Variants in PHKA1 observed in about 807,000 individuals in gnomAD.
PHKA1 encodes phosphorylase b kinase regulatory subunit alpha, skeletal muscle isoform.
PHKA1 carries 60 observed loss-of-function variants against 110.2 expected under a neutral mutation model. The observed-to-expected ratio is 0.54, with a 90% CI of 0.44 to 0.68. PHKA1 has a LOEUF of 0.68. Among genes scored for constraint, PHKA1 ranks in the 30% least tolerant of loss-of-function variants. PHKA1 has a pLI of 0.00. For missense variants in PHKA1, 801 were observed against 942.5 expected (o/e 0.85, Z 1.97); for synonymous variants, 316 against 333.6 (o/e 0.95, Z 0.58).
At chrX:72,594,956 A>G (rs144692098) in intron 28 of PHKA1, among the ~76,000 whole-genome samples, 1,281 of 112,265 alleles carry the variant, frequency 0.011, 19 homozygotes, top group African/African-American at 0.04. Context: ...TATGAGGCCA[A>G]TATTACCCAG....
At chrX:72,680,792 G>A (rs1433812393) in intron 5 of PHKA1, among the ~76,000 whole-genome samples, 10 of 88,941 alleles carry the variant, frequency 1.1e-4, no homozygotes, top group African/African-American at 2.2e-4. Flanking sequence ...AGCGGGCAGC[G>A]GAGCTGTCTC....
At chrX:72,618,475 T>C (rs1303211721) in intron 21 of PHKA1, among the ~76,000 whole-genome samples, 1 of 111,847 alleles carries the variant, frequency 8.9e-6, no homozygotes, top group African/African-American at 3.2e-5. Flanking sequence ...TGCCAGGCAT[T>C]GTATTAGAGA....
rs150399070 is a variant in PHKA1, at chrX:72,600,513, T to C, written c.3072+1478A>G. Among the ~76,000 whole-genome samples, 602 of 111,937 alleles carry C rather than the reference T, an allele frequency of 5.4e-3. 2 individuals are homozygous for C. Among genetic ancestry groups the C allele is most frequent in the Admixed American group, 0.011 (118 of 10,541 alleles). ...TTCTTTCACGTTTCAAATAGGAAAA[T>C]ATTCAGATTATTCAAATTATTCGAG... On this transcript the variant is annotated intron_variant, in intron 28 of 31. Coordinates refer to ENST00000373542, the MANE Select transcript of PHKA1 (RefSeq NM_002637.4).
At chrX:72,591,757 A>G (rs1178518382) in intron 29 of PHKA1, among the ~76,000 whole-genome samples, 1 of 111,914 alleles carries the variant, frequency 8.9e-6, no homozygotes, top group Non-Finnish European at 1.9e-5. Context: ...AGCTTTCAGA[A>G]ATGCCAATTT....
At chrX:72,631,607 C>G (rs1451235784) in intron 16 of PHKA1, among the ~76,000 whole-genome samples, 1 of 104,176 alleles carries the variant, frequency 9.6e-6, no homozygotes, top group East Asian at 2.9e-4. Flanking sequence ...CCTGTTTTTC[C>G]TTTTTTTTTT....
intron 17 of PHKA1, among the ~76,000 whole-genome samples, chrX:72,625,917 T>C (rs1556282561): frequency 9.0e-6 from 1 of 111,458 alleles, no homozygotes; most frequent in Non-Finnish European, 1.9e-5. Context: ...CTGCCCCCCT[T>C]GGCCTCCCAA....
Position 72,713,692 on chromosome X carries a change from A to ACACACC in PHKA1, c.78+110_78+111insGGTGTG, listed in dbSNP as rs1159125831. On this transcript the variant is annotated intron_variant, in intron 1 of 31. Transcript: ENST00000373542. ...CCGTCACACACACACACACACACAC[A>ACACACC]CACACACACCCACACACGCACGCAC... 22 of 597,884 alleles carry ACACACC rather than the reference A, an allele frequency of 3.7e-5. No individual in the cohort carries two copies. The Admixed American group carries it at 4.5e-4, about 12-fold the overall frequency. The allele number at this position is 597,884 out of a possible 1,213,427, so 49.3% of individuals were successfully genotyped here.
intron 8 of PHKA1, among the ~76,000 whole-genome samples, chrX:72,662,544 C>T (rs1011559260): frequency 3.6e-5 from 4 of 112,369 alleles, no homozygotes; most frequent in East Asian, 2.8e-4. Flanking sequence ...CCAAGTCCCA[C>T]GCCCCCAGGC....
intron 13 of PHKA1, among the ~76,000 whole-genome samples, chrX:72,646,047 G>A (rs2053355623): frequency 8.9e-6 from 1 of 112,343 alleles, no homozygotes; most frequent in Non-Finnish European, 1.9e-5. Flanking sequence ...ATGGCTGCAT[G>A]TATAGAGGGA....
chrX:72,656,750 A>C (rs2053501497), intron 9 of PHKA1, among the ~76,000 whole-genome samples: 1 of 111,945 alleles, frequency 8.9e-6, no homozygotes, highest in African/African-American at 3.2e-5. Flanking sequence ...AAATTAAAAT[A>C]GGAAAAGAAT....
chrX:72,632,656 T>G (rs191883015), intron 16 of PHKA1, among the ~76,000 whole-genome samples: 7 of 111,869 alleles, frequency 6.3e-5, no homozygotes, highest in African/African-American at 2.3e-4. Flanking sequence ...AGAATTTAAC[T>G]AATCCACATT....
intron 5 of PHKA1, among the ~76,000 whole-genome samples, chrX:72,681,123 C>A (rs1284773918): frequency 1.3e-5 from 1 of 76,696 alleles, no homozygotes; most frequent in Non-Finnish European, 2.6e-5. Context: ...AAGTGAGGAG[C>A]GTCTCTGCCC....
intron 17 of PHKA1, 49 bp downstream of exon 17, chrX:72,626,922 C>A: frequency 1.1e-6 from 1 of 951,806 alleles, no homozygotes; most frequent in East Asian, 3.1e-5. Flanking sequence ...CTATATCCAG[C>A]CCCTTAATTT....
At position 72,653,485 on chromosome X, in the gene PHKA1, T is replaced by C; in HGVS notation, c.1087A>G (p.Lys363Glu). Residue 363 changes from lysine to glutamate, a missense_variant, in exon 11 of 32, where the codon AAA becomes GAA. Transcript: ENST00000373542. The stretch of plus-strand genomic sequence containing the variant: ...TCTGGCAGAAGTGGGACTCCATTTT[T>C]GCCCTTGATGAGGACTGCTTCAAGA... ...EALEAVLIKG[K>E]NGVPLLPELY... 1 of 1,207,678 alleles carries C rather than the reference T, an allele frequency of 8.3e-7. No individual in the cohort carries two copies. The highest frequency in any genetic ancestry group is 1.1e-6 in the Non-Finnish European group (1 of 892,214).
chrX:72,674,120 C>T (rs1483450652), intron 6 of PHKA1, among the ~76,000 whole-genome samples: 10 of 109,278 alleles, frequency 9.2e-5, no homozygotes, highest in African/African-American at 3.3e-4. Flanking sequence ...TCCATGTCCC[C>T]ACAAAGGACA....
chrX:72,663,047 C>T (rs782519741), intron 8 of PHKA1, among the ~76,000 whole-genome samples: 1 of 109,909 alleles, frequency 9.1e-6, no homozygotes, highest in South Asian at 4.0e-4. Context: ...TAGTAACAGA[C>T]CTCAAAGAAA....
Position 72,613,802 on chromosome X carries a change from T to C in PHKA1, c.2370-2618A>G, listed in dbSNP as rs542131866. 3.6e-5 allele frequency among the ~76,000 whole-genome samples: 4 copies of C among 112,082 alleles called. No individual in the cohort carries two copies. In the South Asian group the frequency reaches 1.5e-3, roughly 42 times the overall value. The stretch of plus-strand genomic sequence containing the variant: ...GCAATGGGACTAATCAACACTATGA[T>C]ATGACACATGGAAAAGAACTTGGCA... On this transcript the variant is annotated intron_variant, in intron 21 of 31. Transcript: ENST00000373542.
chrX:72,626,657 T>C (rs1556283038), intron 17 of PHKA1, among the ~76,000 whole-genome samples: 1 of 111,737 alleles, frequency 8.9e-6, no homozygotes, highest in Admixed American at 9.5e-5. Context: ...TATACATACA[T>C]ACCTATGATA....
chrX:72,682,934 T>TTAAAAAAAAA (rs1556317402), intron 5 of PHKA1, among the ~76,000 whole-genome samples: 1 of 63,857 alleles, frequency 1.6e-5, no homozygotes, highest in African/African-American at 6.5e-5. Context: ...AAAAATAAAT[T>TTAAAAAAAAA]AAAAAAAAAA....
Sources: allele counts gnomAD v4.1 joint callset (sites outside exome capture counted in the v4.1 genomes callset), GRCh38; gene constraint gnomAD v4.1.1; transcripts MANE v1.5; gene names NCBI Gene and HGNC (gene_info 2026-07-23, HGNC 2026-07-21).